The following HPSE2 variants were observed in gnomAD, a reference collection of about 807,000 sequenced individuals.
HPSE2 encodes the protein inactive heparanase-2.
Under a neutral mutation model 60.5 loss-of-function variants are expected in HPSE2, and 38 were observed. The ratio of observed to expected loss-of-function variants is 0.63; its 90% confidence interval spans 0.48 to 0.82. HPSE2 has a LOEUF of 0.82. Among genes scored for constraint, HPSE2 ranks in the 40% least tolerant of loss-of-function variants. The pLI, the probability that HPSE2 is intolerant of heterozygous loss-of-function variation, is 0.00. For synonymous variants in HPSE2, 295 were observed against 293.2 expected, an observed-to-expected ratio of 1.01 and a Z score of -0.06; for missense variants, 713 against 740.4, an observed-to-expected ratio of 0.96 and a Z score of 0.43.
chr10:99,015,413 G>A (rs369836435), intron 3 of HPSE2, among the ~76,000 whole-genome samples: 4 of 152,220 alleles, frequency 2.6e-5, no homozygotes, highest in South Asian at 2.1e-4. Flanking sequence ...GACTTGGAAC[G>A]AAACCAAATG....
intron 3 of HPSE2, among the ~76,000 whole-genome samples, chr10:98,959,021 C>G (rs1955580715): frequency 6.6e-6 from 1 of 151,872 alleles, no homozygotes; most frequent in Non-Finnish European, 1.5e-5. Flanking sequence ...ATGTTAAGAG[C>G]AGAGATAATG....
chr10:98,738,653 T>G (rs1243296714), intron 4 of HPSE2, among the ~76,000 whole-genome samples: 3 of 151,840 alleles, frequency 2.0e-5, no homozygotes, highest in African/African-American at 4.8e-5. Context: ...CATCAAGAAG[T>G]GGGTGAAGGA....
intron 2 of HPSE2, among the ~76,000 whole-genome samples, chr10:99,202,718 CT>C (rs1848616816): frequency 6.6e-6 from 1 of 152,120 alleles, no homozygotes; most frequent in Non-Finnish European, 1.5e-5. Flanking sequence ...TAGAATAAGA[CT>C]TTCCAGCACT....
At chr10:99,007,085 A>G (rs958998392) in intron 3 of HPSE2, among the ~76,000 whole-genome samples, 6 of 152,110 alleles carry the variant, frequency 3.9e-5, no homozygotes, top group African/African-American at 1.4e-4. Flanking sequence ...GATTATTGAC[A>G]CTAGCCCACT....
At chr10:98,606,711 TA>T in intron 9 of HPSE2, among the ~76,000 whole-genome samples, 1 of 152,260 alleles carries the variant, frequency 6.6e-6, no homozygotes, top group East Asian at 1.9e-4. Flanking sequence ...CAGATTTTTT[TA>T]AAAAAATGTT....
At chr10:99,247,777 G>C in the HPSE2 span, among the ~76,000 whole-genome samples, 1 of 152,196 alleles carries the variant, frequency 6.6e-6, no homozygotes, top group African/African-American at 2.4e-5. Context: ...AGCCTGGTGA[G>C]AGGTGATTGG....
intron 2 of HPSE2, among the ~76,000 whole-genome samples, chr10:99,165,167 T>G (rs1847027111): frequency 6.6e-6 from 1 of 151,868 alleles, no homozygotes; most frequent in Non-Finnish European, 1.5e-5. Flanking sequence ...AGAAGCCTGG[T>G]TTTCATAAAC....
intron 2 of HPSE2, among the ~76,000 whole-genome samples, chr10:99,225,685 G>C (rs1051627918): frequency 3.9e-5 from 6 of 152,170 alleles, no homozygotes; most frequent in South Asian, 2.1e-4. Context: ...AGATGGGAGA[G>C]AGCAAGTGTC....
intron 3 of HPSE2, among the ~76,000 whole-genome samples, chr10:98,771,855 G>A (rs890448739): frequency 1.3e-5 from 2 of 152,142 alleles, no homozygotes; most frequent in Admixed American, 1.3e-4. Context: ...GAGTTGCCCT[G>A]GCAGATGGTA....
chr10:99,124,489 C>T (rs988352598), intron 3 of HPSE2, among the ~76,000 whole-genome samples: 5 of 152,232 alleles, frequency 3.3e-5, no homozygotes, highest in African/African-American at 4.8e-5. Flanking sequence ...CAAGAGGTGC[C>T]TGCAGGCCTG....
the HPSE2 span, among the ~76,000 whole-genome samples, chr10:99,291,917 T>C: frequency 6.6e-6 from 1 of 152,142 alleles, no homozygotes; most frequent in Non-Finnish European, 1.5e-5. Context: ...TGAGCCCCAC[T>C]GAGAAAGGCC....
chr10:99,263,543 A>G, the HPSE2 span, among the ~76,000 whole-genome samples: 1 of 152,194 alleles, frequency 6.6e-6, no homozygotes, highest in Non-Finnish European at 1.5e-5. Flanking sequence ...AAGGGCCATC[A>G]AAAGGCATCA....
At chr10:98,853,748 G>A (rs1952239506) in intron 3 of HPSE2, among the ~76,000 whole-genome samples, 1 of 152,124 alleles carries the variant, frequency 6.6e-6, no homozygotes, top group African/African-American at 2.4e-5. Flanking sequence ...TAAGCCACAA[G>A]CGATAACCCA....
chr10:98,774,311 T>C (rs1391863679), intron 3 of HPSE2, among the ~76,000 whole-genome samples: 1 of 151,998 alleles, frequency 6.6e-6, no homozygotes, highest in Non-Finnish European at 1.5e-5. Context: ...AAAATTCCTA[T>C]TTGCTCCATA....
At chr10:99,092,639 CCTAA>C (rs1721400048) in intron 3 of HPSE2, among the ~76,000 whole-genome samples, 2 of 152,218 alleles carry the variant, frequency 1.3e-5, no homozygotes, top group Non-Finnish European at 2.9e-5. Flanking sequence ...AGGGAAGGTG[CCTAA>C]CTGAGTTTTG....
chr10:99,118,780 G>A (rs956730733), intron 3 of HPSE2, among the ~76,000 whole-genome samples: 1 of 152,014 alleles, frequency 6.6e-6, no homozygotes, highest in South Asian at 2.1e-4. Flanking sequence ...ACTTTGGGAG[G>A]CTGAGGTGGT....
chr10:98,852,123 G>GTGTGTGTGTGTGTT (rs1952191321), intron 3 of HPSE2, among the ~76,000 whole-genome samples: 2 of 131,530 alleles, frequency 1.5e-5, no homozygotes, highest in Non-Finnish European at 3.2e-5. Flanking sequence ...ATGTGTGTGT[G>GTGTGTGTGTGTGTT]TGTGTGTGTG....
At chr10:98,982,151 T>C (rs1956222490) in intron 3 of HPSE2, among the ~76,000 whole-genome samples, 1 of 152,008 alleles carries the variant, frequency 6.6e-6, no homozygotes, top group Non-Finnish European at 1.5e-5. Context: ...GGTAAAGATA[T>C]AAAAGATCAC....
intron 3 of HPSE2, among the ~76,000 whole-genome samples, chr10:99,088,897 G>A (rs1299887478): frequency 1.3e-5 from 2 of 152,008 alleles, no homozygotes; most frequent in Non-Finnish European, 2.9e-5. Context: ...TCTTGCAGGA[G>A]TAAGATGGTA....
Sources: gnomAD v4.1 joint callset for allele counts (sites outside exome capture counted in the v4.1 genomes callset) on GRCh38, gnomAD v4.1.1 for gene constraint, MANE v1.5 for transcripts, NCBI Gene and HGNC (gene_info 2026-07-23, HGNC 2026-07-21) for gene names.